GUCY1A2: variants seen among roughly 807,000 people sequenced by gnomAD.
GUCY1A2 encodes guanylate cyclase 1 soluble subunit alpha 2.
GUCY1A2 carries 27 observed loss-of-function variants against 63.5 expected under a neutral mutation model. The ratio of observed to expected loss-of-function variants is 0.43; its 90% CI spans 0.31 to 0.59. The LOEUF (loss-of-function observed/expected upper bound fraction) is 0.59. Ranked by LOEUF, GUCY1A2 falls within the 20% of genes least tolerant of loss-of-function variation. GUCY1A2 has a pLI of 0.11. For missense variants in GUCY1A2, 768 were observed against 913.3 expected (o/e 0.84, Z 2.05); for synonymous variants, 364 against 343.5 (o/e 1.06, Z -0.66).
intron 3 of GUCY1A2, among the ~76,000 whole-genome samples, chr11:106,950,028 A>G (rs1163581519): frequency 6.6e-6 from 1 of 152,222 alleles, no homozygotes; most frequent in Non-Finnish European, 1.5e-5. Flanking sequence ...TGTACCCTTC[A>G]GTATTCACTG....
At chr11:106,872,324 C>T (rs1411200094) in intron 4 of GUCY1A2, among the ~76,000 whole-genome samples, 2 of 152,026 alleles carry the variant, frequency 1.3e-5, no homozygotes, top group Non-Finnish European at 2.9e-5. Flanking sequence ...AATAAAAATA[C>T]TAATATTATC....
chr11:106,720,418 C>T (rs1442564014), intron 6 of GUCY1A2, among the ~76,000 whole-genome samples: 1 of 152,112 alleles, frequency 6.6e-6, no homozygotes, highest in East Asian at 1.9e-4. Flanking sequence ...GATGTGTTAG[C>T]TTTTTGGAAG....
chr11:106,733,931 C>A (rs1863545982), intron 6 of GUCY1A2, among the ~76,000 whole-genome samples: 1 of 152,102 alleles, frequency 6.6e-6, no homozygotes, highest in Non-Finnish European at 1.5e-5. Context: ...TCCTCTATCT[C>A]CTAGAGACTC....
intron 3 of GUCY1A2, among the ~76,000 whole-genome samples, chr11:106,971,109 G>C (rs992124377): frequency 6.6e-6 from 1 of 152,052 alleles, no homozygotes; most frequent in African/African-American, 2.4e-5. Flanking sequence ...TTTTAGAAGA[G>C]TGCAAGTATT....
chr11:106,693,228 G>A (rs542633108), intron 7 of GUCY1A2, among the ~76,000 whole-genome samples: 5 of 152,138 alleles, frequency 3.3e-5, no homozygotes, highest in South Asian at 4.1e-4. Flanking sequence ...TTTAGATGTC[G>A]GAAATATCTT....
chr11:106,718,340 T>C (rs1196036023), intron 6 of GUCY1A2, among the ~76,000 whole-genome samples: 3 of 152,104 alleles, frequency 2.0e-5, no homozygotes, highest in Admixed American at 2.0e-4. Flanking sequence ...GTTTGTAATC[T>C]TGTTTACATT....
intron 3 of GUCY1A2, among the ~76,000 whole-genome samples, chr11:106,977,832 G>T (rs1305717545): frequency 6.6e-6 from 1 of 152,068 alleles, no homozygotes; most frequent in Non-Finnish European, 1.5e-5. Flanking sequence ...GCACCCCATG[G>T]ATTCCTATCT....
chr11:106,688,865 A>G (rs1862573050), intron 7 of GUCY1A2, among the ~76,000 whole-genome samples: 1 of 152,214 alleles, frequency 6.6e-6, no homozygotes, highest in African/African-American at 2.4e-5. Flanking sequence ...AATATTGTAA[A>G]GTTTCTAACC....
intron 4 of GUCY1A2, among the ~76,000 whole-genome samples, chr11:106,875,818 T>C (rs1859740913): frequency 6.6e-6 from 1 of 152,092 alleles, no homozygotes. Context: ...ATTTTATATC[T>C]TTTTTTATAT....
intron 4 of GUCY1A2, among the ~76,000 whole-genome samples, chr11:106,874,615 T>G (rs1417744915): frequency 6.6e-6 from 1 of 152,086 alleles, no homozygotes; most frequent in Non-Finnish European, 1.5e-5. Flanking sequence ...CAACTTTCTT[T>G]TCCAAAGAAG....
intron 7 of GUCY1A2, among the ~76,000 whole-genome samples, chr11:106,705,231 G>A (rs1022837511): frequency 6.6e-6 from 1 of 152,088 alleles, no homozygotes; most frequent in South Asian, 2.1e-4. Flanking sequence ...GTCATACAGC[G>A]ATTAAAATGA....
At chr11:106,798,336 C>A (rs1253495215) in intron 5 of GUCY1A2, among the ~76,000 whole-genome samples, 2 of 152,084 alleles carry the variant, frequency 1.3e-5, no homozygotes, top group East Asian at 3.9e-4. Flanking sequence ...ACCAGAGGTA[C>A]AAGGAGGAGC....
intron 4 of GUCY1A2, among the ~76,000 whole-genome samples, chr11:106,879,369 A>G (rs1944195): frequency 0.099 from 14,998 of 152,170 alleles, 807 homozygotes; most frequent in East Asian, 0.14. Context: ...ATGTACTCAA[A>G]AAACTAAAGG....
chr11:106,804,939 C>A (rs1425541154), intron 5 of GUCY1A2, among the ~76,000 whole-genome samples: 1 of 152,150 alleles, frequency 6.6e-6, no homozygotes, highest in Non-Finnish European at 1.5e-5. Flanking sequence ...GTGAGTGAGC[C>A]TGGATTTCCT....
At chr11:106,832,770 G>A (rs1859068830) in intron 4 of GUCY1A2, among the ~76,000 whole-genome samples, 1 of 152,008 alleles carries the variant, frequency 6.6e-6, no homozygotes, top group South Asian at 2.1e-4. Context: ...ATGCACATTG[G>A]TTAATATTTA....
At chr11:106,695,830 A>G (rs1862708671) in intron 7 of GUCY1A2, among the ~76,000 whole-genome samples, 1 of 152,210 alleles carries the variant, frequency 6.6e-6, no homozygotes, top group African/African-American at 2.4e-5. Flanking sequence ...TTAAGGTTGC[A>G]AATATTTTTA....
rs1417884519 is a variant in GUCY1A2, at chr11:106,677,508, T to A, written c.*10041A>T. 2 of 208,526 alleles carry A rather than the reference T, an allele frequency of 9.6e-6. No homozygotes were observed. Among genetic ancestry groups the A allele is most frequent in the Non-Finnish European group, 2.0e-5 (2 of 102,394 alleles). 12.9% of individuals were successfully genotyped at this position (208,526 alleles called of 1,614,324 possible). On this transcript the variant is annotated 3_prime_UTR_variant, in exon 8 of 8. Coordinates refer to ENST00000526355, the MANE Select transcript of GUCY1A2 (RefSeq NM_000855.3). ...TCCCAGCAGATAATAAATTCTGCAC[T>A]GGGGAGACATCTATGATGTGACAAG...
At chr11:106,902,464 TAGC>T (rs1860147326) in intron 4 of GUCY1A2, among the ~76,000 whole-genome samples, 1 of 152,208 alleles carries the variant, frequency 6.6e-6, no homozygotes, top group South Asian at 2.1e-4. Context: ...TTCTCCTCTC[TAGC>T]TATGAAAGTC....
At chr11:106,927,172 G>C (rs1004972823) in intron 4 of GUCY1A2, among the ~76,000 whole-genome samples, 1 of 151,716 alleles carries the variant, frequency 6.6e-6, no homozygotes, top group African/African-American at 2.4e-5. Flanking sequence ...AGGAGATCGA[G>C]ACCATCCTGG....
Sources: gnomAD v4.1 joint callset for allele counts (sites outside exome capture counted in the v4.1 genomes callset) on GRCh38, gnomAD v4.1.1 for gene constraint, MANE v1.5 for transcripts, NCBI Gene and HGNC (gene_info 2026-07-23, HGNC 2026-07-21) for gene names.